The following EIF2D variants were observed in gnomAD, a reference collection of about 807,000 sequenced individuals.
The protein encoded by EIF2D is hepatocellular carcinoma-associated antigen 56.
EIF2D carries 56 observed loss-of-function variants against 77.4 expected under a neutral mutation model. The ratio of observed to expected loss-of-function variants is 0.72; its 90% CI spans 0.58 to 0.90. EIF2D has a LOEUF of 0.90. EIF2D is among the 40% of genes least tolerant of loss of function. The pLI is 0.00. For synonymous variants in EIF2D, 230 were observed against 271.0 expected (o/e 0.85, Z 1.49); for missense variants, 574 against 706.5 (o/e 0.81, Z 2.13).
chr1:206,600,820 A>G (rs1553411173), intron 7 of EIF2D: 1 of 154,582 alleles, frequency 6.5e-6, no homozygotes, highest in African/African-American at 2.4e-5. Context: ...AGGTCTGGCC[A>G]ACTAATTATC....
At chr1:206,602,273 C>G (rs1669961028) in intron 7 of EIF2D, 63 bp downstream of exon 7, 1 of 1,344,598 alleles carries the variant, frequency 7.4e-7, no homozygotes, top group African/African-American at 1.4e-5. Context: ...TCCTGTCCTA[C>G]TACCAAGGAG....
chr1:206,588,829 A>C (rs562530047), downstream of EIF2D: 46 of 152,850 alleles, frequency 3.0e-4, no homozygotes, highest in African/African-American at 1.1e-3. Flanking sequence ...GCAGGTGGAG[A>C]GTCATTTTCC....
At chr1:206,570,217 G>A (rs1447447787), downstream of EIF2D, among the ~76,000 whole-genome samples, 3 of 150,310 alleles carry the variant, frequency 2.0e-5, no homozygotes, top group African/African-American at 2.5e-5. Context: ...TCAGCCTCCC[G>A]AGTAGCTGGC....
chr1:206,605,621 C>A, intron 4 of EIF2D, 114 bp from the exon 5 acceptor site: 1 of 853,176 alleles, frequency 1.2e-6, no homozygotes, highest in South Asian at 1.6e-5. Flanking sequence ...ATTCGAAGGT[C>A]TTGTATCATA....
At chr1:206,609,036 A>C (rs1328845441) in intron 3 of EIF2D, among the ~76,000 whole-genome samples, 68 of 152,088 alleles carry the variant, frequency 4.5e-4, no homozygotes, top group African/African-American at 1.5e-3. Flanking sequence ...TGAGCAACAG[A>C]GTGAGACTCC....
intron 11 of EIF2D, among the ~76,000 whole-genome samples, chr1:206,598,485 T>C (rs1669756678): frequency 1.3e-5 from 2 of 152,184 alleles, no homozygotes. Context: ...GTAAGGTGAC[T>C]GTAGTTAACA....
chr1:206,610,930 C>T lies in EIF2D; in HGVS notation c.247+254G>A, dbSNP rs536742210. On this transcript the variant is annotated intron_variant, in intron 2 of 14. Transcript: ENST00000271764. ...TCCTTCATCTCAGAACTTCCCTTTG[C>T]AACCACCCTTACTTACTATGTCAGC... 7.4e-4 allele frequency among the ~76,000 whole-genome samples: 112 copies of T among 152,326 alleles called. 2 individuals are homozygous for T. The highest frequency in any genetic ancestry group is 2.7e-3 in the African/African-American group (112 of 41,574).
chr1:206,571,258 T>C (rs1415443243), downstream of EIF2D: 2 of 150,228 alleles, frequency 1.3e-5, no homozygotes, highest in Non-Finnish European at 3.0e-5. Flanking sequence ...TATCTGTTCA[T>C]GTCCATTGTC....
downstream of EIF2D, among the ~76,000 whole-genome samples, chr1:206,591,484 A>G (rs1250723420): frequency 9.2e-5 from 14 of 152,156 alleles, no homozygotes; most frequent in Non-Finnish European, 4.4e-5. Flanking sequence ...CGAACTCTGA[A>G]TGGGCTGGCC....
intron 7 of EIF2D, chr1:206,600,528 T>C (rs1669878770): frequency 2.0e-6 from 1 of 489,458 alleles, no homozygotes; most frequent in Non-Finnish European, 3.6e-6. Flanking sequence ...AGACGTGGAA[T>C]GTTCTCTGTG....
chr1:206,585,421 A>T, intron 2 of EIF2D: 1 of 725,104 alleles, frequency 1.4e-6, no homozygotes, highest in Non-Finnish European at 2.5e-6. Flanking sequence ...GACTGTTGAG[A>T]GAGTGAGCAG....
rs781998028 is a variant in EIF2D, at chr1:206,595,802, G to T, written c.1425C>A (p.Thr475=). ...TCACAATGGGCTCTTGTCCGGGAAG[G>T]GTCACTTGATAGGCAGGCTGTAATT... ...LEKLQPAYQV[T]LPGQEPIVKK... The change falls in exon 13 of 15, where the codon ACC becomes ACA. Residue 475 remains threonine (T), a synonymous_variant. Coordinates refer to ENST00000271764, the MANE Select transcript of EIF2D (RefSeq NM_006893.3). 1.2e-6 allele frequency: 2 copies of T among 1,613,968 alleles called. No individual in the cohort carries two copies. Among genetic ancestry groups the T allele is most frequent in the African/African-American group, 2.7e-5 (2 of 74,906 alleles).
intron 2 of EIF2D, chr1:206,585,386 A>G (rs1019462464): frequency 1.1e-6 from 1 of 889,862 alleles, no homozygotes; most frequent in Non-Finnish European, 1.9e-6. Context: ...CATAGGTGGG[A>G]GCCACGCAGC....
intron 11 of EIF2D, among the ~76,000 whole-genome samples, chr1:206,598,652 T>C (rs1021721146): frequency 2.0e-5 from 3 of 152,102 alleles, no homozygotes; most frequent in Non-Finnish European, 4.4e-5. Flanking sequence ...ACCCCATAAA[T>C]ATGTACAAAT....
intron 12 of EIF2D, among the ~76,000 whole-genome samples, chr1:206,596,764 C>A (rs564545035): frequency 6.6e-6 from 1 of 152,218 alleles, no homozygotes; most frequent in South Asian, 2.1e-4. Flanking sequence ...TGGCTCAATG[C>A]AGCCTCCACC....
chr1:206,574,149 G>A (rs1485982925), intron 4 of EIF2D, among the ~76,000 whole-genome samples: 1 of 152,234 alleles, frequency 6.6e-6, no homozygotes, highest in Non-Finnish European at 1.5e-5. Context: ...TAGCTGAGCT[G>A]TGCAGAGACT....
In EIF2D at chr1:206,584,969, T is replaced by C; in HGVS notation, c.139-3807A>G. ...CCATTCCTAATCTTTCAGGAGATGATGTGAATGGAATCATGCTTTAAACTC... is the reference window on the plus strand; with the variant it reads ...CCATTCCTAATCTTTCAGGAGATGACGTGAATGGAATCATGCTTTAAACTC... On this transcript the variant is annotated intron_variant and NMD_transcript_variant, in intron 2 of 5. Transcript: ENST00000472709. This position sits in a 1 kb window ranked among gnomAD's most constrained non-coding sequence, Gnocchi z 4.9. 1 of 607,138 alleles carries C rather than the reference T, an allele frequency of 1.6e-6. No individual in the cohort carries two copies. Among genetic ancestry groups the C allele is most frequent in the Non-Finnish European group, 2.9e-6 (1 of 342,466 alleles). The allele number at this position is 607,138 out of a possible 1,614,324, so 37.6% of individuals were successfully genotyped here.
At chr1:206,598,387 A>T (rs377714209) in intron 11 of EIF2D, among the ~76,000 whole-genome samples, 2 of 152,216 alleles carry the variant, frequency 1.3e-5, no homozygotes, top group African/African-American at 4.8e-5. Context: ...GTAGTTTACC[A>T]TCTGTATCTC....
downstream of EIF2D, chr1:206,588,149 A>T (rs1198247083): frequency 5.2e-5 from 8 of 152,936 alleles, no homozygotes; most frequent in East Asian, 1.5e-3. Context: ...TTTCAGAGAG[A>T]AATAGGAGTA....
Sources: gnomAD v4.1 joint callset for allele counts (sites outside exome capture counted in the v4.1 genomes callset) on GRCh38, gnomAD v4.1.1 for gene constraint, Gnocchi (gnomAD v3.1) non-coding constraint, MANE v1.5 for transcripts, NCBI Gene and HGNC (gene_info 2026-07-23, HGNC 2026-07-21) for gene names.